ERBB4: variants seen among roughly 807,000 people sequenced by gnomAD.
The protein encoded by ERBB4 is receptor tyrosine-protein kinase erbB-4.
Under a neutral mutation model 158.0 loss-of-function variants are expected in ERBB4, and 42 were observed. That is an observed-to-expected ratio of 0.27 (90% CI 0.21 to 0.34). The LOEUF (loss-of-function observed/expected upper bound fraction) is 0.34, where lower values mean the gene tolerates loss of function less well. ERBB4 is among the 10% of genes least tolerant of loss of function. The pLI is 1.00. For synonymous variants in ERBB4, 583 were observed against 558.7 expected (o/e 1.04, Z -0.61); for missense variants, 1,333 against 1,624.1 (o/e 0.82, Z 3.08).
intron 3 of ERBB4, among the ~76,000 whole-genome samples, chr2:211,933,673 A>C (rs114971447): frequency 0.035 from 5,330 of 152,102 alleles, 127 homozygotes; most frequent in Middle Eastern, 0.088. Context: ...ATAGTTGAAA[A>C]AGGACTCGAC....
At chr2:211,485,722 G>A (rs566442424) in intron 20 of ERBB4, among the ~76,000 whole-genome samples, 1 of 128,392 alleles carries the variant, frequency 7.8e-6, no homozygotes, top group East Asian at 2.8e-4. Context: ...GTGGGGGGAG[G>A]GGGGAGGGAT....
chr2:211,969,758 T>C (rs1041587414), intron 2 of ERBB4, among the ~76,000 whole-genome samples: 1 of 152,042 alleles, frequency 6.6e-6, no homozygotes, highest in African/African-American at 2.4e-5. Flanking sequence ...ATTGTCATTT[T>C]TTACTGTGTT....
At chr2:211,433,866 C>G (rs948934954) in intron 20 of ERBB4, among the ~76,000 whole-genome samples, 1 of 152,124 alleles carries the variant, frequency 6.6e-6, no homozygotes. Flanking sequence ...CAATCCGACC[C>G]CATTTTCCAA....
At chr2:212,003,485 C>A (rs897605809) in intron 2 of ERBB4, among the ~76,000 whole-genome samples, 2 of 151,950 alleles carry the variant, frequency 1.3e-5, no homozygotes, top group African/African-American at 4.8e-5. Flanking sequence ...AGCCAGGGAA[C>A]CTAACAGCCA....
Position 212,127,610 on chromosome 2 carries a change from A to T in ERBB4, c.83-2707T>A, listed in dbSNP as rs189785933. ...CCATCTCATAAATAAATAAATATTTAAAAAAACACATTATGTTTTTTGAAT... is the reference window on the plus strand; with the variant it reads ...CCATCTCATAAATAAATAAATATTTTAAAAAACACATTATGTTTTTTGAAT... On this transcript the variant is annotated intron_variant, in intron 1 of 27. Coordinates refer to ENST00000342788, the MANE Select transcript of ERBB4 (RefSeq NM_005235.3). Among the ~76,000 whole-genome samples the T allele has an allele frequency of 7.7e-3, 1,178 of 152,254 alleles. 10 individuals are homozygous for T. The highest frequency in any genetic ancestry group is 0.01 in the Non-Finnish European group (698 of 68,010).
intron 20 of ERBB4, among the ~76,000 whole-genome samples, chr2:211,464,481 G>C (rs2064623776): frequency 6.6e-6 from 1 of 151,970 alleles, no homozygotes; most frequent in African/African-American, 2.4e-5. Flanking sequence ...AATATATTCT[G>C]GCTAATGCAC....
chr2:211,822,136 AG>A (rs1421024421), intron 3 of ERBB4, among the ~76,000 whole-genome samples: 3 of 151,892 alleles, frequency 2.0e-5, no homozygotes, highest in African/African-American at 7.2e-5. Context: ...AAGATATTAG[AG>A]GTTGGGAAGG....
chr2:212,246,333 C>T lies in ERBB4; in HGVS notation c.83-121430G>A, dbSNP rs140300918. Among the ~76,000 whole-genome samples the T allele has an allele frequency of 1.1e-3, 164 of 152,280 alleles. 2 individuals carry two copies. The highest frequency in any genetic ancestry group is 8.9e-3 in the South Asian group (43 of 4,830). On this transcript the variant is annotated intron_variant, in intron 1 of 27. Transcript: ENST00000342788. ...AAGCAGCTTGAATACGGCCACATGA[C>T]TAATAAATGTGCATGAGGTAAAATC... is the stretch of plus-strand genomic sequence containing the variant.
rs1366469763 is a variant in ERBB4, at chr2:211,980,987, CCA to C, written c.235-33373_235-33372del. ...AGCCGTGTCATCTCGATACCGCTCC[CCA>C]CCATCTGTATTATAATTTCTCTTCA... On this transcript the variant is annotated intron_variant, in intron 2 of 27. Transcript: ENST00000342788. Among the ~76,000 whole-genome samples the C allele has an allele frequency of 1.1e-3, 160 of 151,862 alleles. 1 individual carries two copies. Among genetic ancestry groups the C allele is most frequent in the Non-Finnish European group, 2.0e-3 (139 of 67,990 alleles).
intron 19 of ERBB4, among the ~76,000 whole-genome samples, chr2:211,608,150 G>A (rs1255173335): frequency 6.6e-6 from 1 of 151,984 alleles, no homozygotes; most frequent in Non-Finnish European, 1.5e-5. Flanking sequence ...AATGTCATAT[G>A]GAGCAATAAT....
intron 1 of ERBB4, among the ~76,000 whole-genome samples, chr2:212,394,855 G>A (rs577831762): frequency 6.6e-6 from 1 of 152,216 alleles, no homozygotes; most frequent in South Asian, 2.1e-4. Flanking sequence ...GTTTAGTAAC[G>A]TAATAATCAT....
chr2:211,464,248 C>T (rs2064615194), intron 20 of ERBB4, among the ~76,000 whole-genome samples: 1 of 152,242 alleles, frequency 6.6e-6, no homozygotes, highest in African/African-American at 2.4e-5. Flanking sequence ...AGCCCAGCAC[C>T]CAAGACAGTG....
chr2:211,474,224 T>C (rs1329546320), intron 20 of ERBB4, among the ~76,000 whole-genome samples: 4 of 152,048 alleles, frequency 2.6e-5, no homozygotes, highest in African/African-American at 7.2e-5. Flanking sequence ...AAATAATCTG[T>C]CTCTGGTCTA....
chr2:211,937,842 C>T (rs1293403141), intron 3 of ERBB4, among the ~76,000 whole-genome samples: 1 of 152,116 alleles, frequency 6.6e-6, no homozygotes, highest in African/African-American at 2.4e-5. Context: ...GGTGGGAACA[C>T]AGCCAAACCA....
chr2:212,045,022 A>T (rs997453297), intron 2 of ERBB4, among the ~76,000 whole-genome samples: 1 of 152,200 alleles, frequency 6.6e-6, no homozygotes, highest in Non-Finnish European at 1.5e-5. Context: ...TCAAAAGCTT[A>T]AAAAAGCTTT....
At chr2:211,812,998 C>A (rs538981926) in intron 3 of ERBB4, among the ~76,000 whole-genome samples, 1 of 152,204 alleles carries the variant, frequency 6.6e-6, no homozygotes, top group East Asian at 1.9e-4. Flanking sequence ...CTTTGCACTT[C>A]CCGGGTGAGG....
At chr2:212,002,482 T>A (rs1324557062) in intron 2 of ERBB4, among the ~76,000 whole-genome samples, 7 of 152,256 alleles carry the variant, frequency 4.6e-5, no homozygotes, top group African/African-American at 1.7e-4. Context: ...ACAGGCAAGC[T>A]TGTCATGAGA....
chr2:212,474,479 A>C (rs187927912), intron 1 of ERBB4, among the ~76,000 whole-genome samples: 1 of 152,280 alleles, frequency 6.6e-6, no homozygotes, highest in East Asian at 1.9e-4. Context: ...TATGTCTCAG[A>C]AGCCAAAAAA....
In ERBB4 at chr2:212,218,847, A is replaced by T. The variant is rs925404716; in HGVS notation, c.83-93944T>A. ...TTTACACATAATATATAGAATGGGG[A>T]TATTCAGATTTCCCAAAGATAGCCA... On this transcript the variant is annotated intron_variant, in intron 1 of 27. Coordinates refer to ENST00000342788, the MANE Select transcript of ERBB4 (RefSeq NM_005235.3). 8.6e-5 allele frequency among the ~76,000 whole-genome samples: 13 copies of T among 151,358 alleles called. No homozygotes were observed. The Admixed American group carries it at 8.6e-4, about 10-fold the overall frequency.
Sources: allele counts gnomAD v4.1 joint callset (sites outside exome capture counted in the v4.1 genomes callset), GRCh38; gene constraint gnomAD v4.1.1; transcripts MANE v1.5; gene names NCBI Gene and HGNC (gene_info 2026-07-23, HGNC 2026-07-21).